The following SYN1 variants were observed in gnomAD, a reference collection of about 807,000 sequenced individuals.
SYN1 encodes the protein synapsin I.
SYN1 carries 8 observed loss-of-function variants against 44.6 expected under a neutral mutation model. That is an observed-to-expected ratio of 0.18 (90% confidence interval 0.11 to 0.32). The LOEUF (loss-of-function observed/expected upper bound fraction) is 0.32. Ranked by LOEUF, SYN1 falls within the 10% of genes least tolerant of loss-of-function variation. The pLI is 1.00. For missense variants in SYN1, 451 were observed against 639.4 expected (o/e 0.71, Z 3.18); for synonymous variants, 275 against 280.1 (o/e 0.98, Z 0.18).
At chrX:47,583,630 C>T in intron 5 of SYN1, 1 of 993,748 alleles carries the variant, frequency 1.0e-6, no homozygotes, top group South Asian at 2.7e-5. Context: ...AGAATGATTC[C>T]ACTCGCCCCT....
At chrX:47,578,990 C>T (rs149867905) in intron 5 of SYN1, among the ~76,000 whole-genome samples, 109 of 111,941 alleles carry the variant, frequency 9.7e-4, no homozygotes, top group Non-Finnish European at 1.7e-3. Flanking sequence ...GAAACGATGC[C>T]GAGGCGGATG....
At chrX:47,603,905 T>C (rs2057887249) in intron 5 of SYN1, among the ~76,000 whole-genome samples, 2 of 83,040 alleles carry the variant, frequency 2.4e-5, no homozygotes, top group South Asian at 6.0e-4. Flanking sequence ...TATATATATA[T>C]ATTTTTTTTT....
intron 5 of SYN1, among the ~76,000 whole-genome samples, chrX:47,579,583 A>C (rs2057789215): frequency 9.7e-6 from 1 of 103,428 alleles, no homozygotes; most frequent in African/African-American, 3.6e-5. Flanking sequence ...CACCCCTCCC[A>C]CTCTCCATTT....
chrX:47,574,388 T>C lies in SYN1; in HGVS notation c.1596A>G (p.Gln532=). Residue 532 remains glutamine (Q), a synonymous_variant, in exon 12 of 13, where the codon CAA becomes CAG. Coordinates refer to ENST00000295987, the MANE Select transcript of SYN1 (RefSeq NM_006950.3). ...AAPPTQGQGR[Q]SRPVAGGPGA... ...CGGGGCCTCCCGCCACTGGCCGGGA[T>C]TGGCGGCCTTGACCCTGGGTCGGCG... 1 of 1,023,789 alleles carries C rather than the reference T, an allele frequency of 9.8e-7. No individual in the cohort carries two copies. Among genetic ancestry groups the C allele is most frequent in the Non-Finnish European group, 1.2e-6 (1 of 811,274 alleles). The allele number at this position is 1,023,789 out of a possible 1,213,427, so 84.4% of individuals were successfully genotyped here. A position where few individuals can be genotyped will look rare whatever the true frequency, so the allele number is the denominator to read the frequency against.
chrX:47,585,676 C>G (rs776020775), intron 5 of SYN1: 8 of 1,206,899 alleles, frequency 6.6e-6, no homozygotes, highest in African/African-American at 1.8e-5. Context: ...CAGTGAGTGC[C>G]TGGACCCTGA....
chrX:47,582,508 G>A (rs952544098), intron 5 of SYN1: 58 of 319,987 alleles, frequency 1.8e-4, no homozygotes, highest in South Asian at 1.2e-3. Context: ...AGCAGGGACC[G>A]GAGCTGGGCT....
At chrX:47,577,707 T>C (rs1322828012) in intron 5 of SYN1, among the ~76,000 whole-genome samples, 1 of 110,860 alleles carries the variant, frequency 9.0e-6, no homozygotes, top group Non-Finnish European at 1.9e-5. Flanking sequence ...GCCCTGTCTG[T>C]CTGTCCCTCA....
rs1239891911 is a variant in SYN1 at position 47,579,918 on chromosome X, T to G, written c.775-2417A>C. On this transcript the variant is annotated intron_variant, in intron 5 of 12. Transcript: ENST00000295987. ...TCATTCTCATTCCTGGGTAGGTCAC[T>G]CAGCCCTTTTGTGTCTAAGTTTCCT... Among the ~76,000 whole-genome samples, 3 of 88,024 alleles carry G rather than the reference T, an allele frequency of 3.4e-5. No homozygotes were observed. The East Asian group carries it at 1.2e-3, about 36-fold the overall frequency. 76.4% of individuals were successfully genotyped at this position (88,024 alleles called of 115,157 possible). A position where few individuals can be genotyped will look rare whatever the true frequency, so the allele number is the denominator to read the frequency against.
At chrX:47,574,619 A>G in intron 11 of SYN1, 29 bp from the exon 12 acceptor site, 2 of 1,113,763 alleles carry the variant, frequency 1.8e-6, no homozygotes, top group Non-Finnish European at 2.4e-6. Context: ...GAAAGAGCAC[A>G]CGTGAGAGTG....
intron 5 of SYN1, among the ~76,000 whole-genome samples, chrX:47,594,848 C>T (rs910595967): frequency 4.5e-5 from 5 of 110,551 alleles, no homozygotes; most frequent in Non-Finnish European, 7.6e-5. Context: ...CTGCCTCAGC[C>T]GCTCGAGTAG....
intron 5 of SYN1, among the ~76,000 whole-genome samples, chrX:47,579,387 A>G (rs763686786): frequency 9.0e-6 from 1 of 110,717 alleles, no homozygotes; most frequent in African/African-American, 3.3e-5. Flanking sequence ...TCTTCTTCCT[A>G]AGGCCATGAA....
rs895431716 is a variant in SYN1 at position 47,574,050 on chromosome X, G to C, written c.1934C>G (p.Pro645Arg). The C allele has an allele frequency of 8.7e-7, 1 of 1,150,924 alleles. No homozygotes were observed. The highest frequency in any genetic ancestry group is 1.2e-6 in the Non-Finnish European group (1 of 869,370). 94.8% of individuals were successfully genotyped at this position (1,150,924 alleles called of 1,213,427 possible). ...QLAQKPSQDVPPPATAAAGGP... is the reference protein window; with the variant it reads ...QLAQKPSQDVRPPATAAAGGP... The stretch of plus-strand genomic sequence containing the variant: ...CCCTGCAGCGGCGGTGGCGGGTGGC[G>C]GCACGTCCTGGCTGGGTTTCTGGGC... The change falls in exon 12 of 13, where the codon CCG becomes CGG. Residue 645 changes from proline to arginine, a missense_variant. Pro to Arg is a moderately radical substitution (Grantham distance 103). This residue lies in a region of SYN1 where 127 missense variants were observed against 154.8 expected (regional missense o/e 0.82). Coordinates refer to ENST00000295987, the MANE Select transcript of SYN1 (RefSeq NM_006950.3).
At chrX:47,603,908 T>TATA (rs1569330170) in intron 5 of SYN1, among the ~76,000 whole-genome samples, 44 of 81,772 alleles carry the variant, frequency 5.4e-4, no homozygotes, top group African/African-American at 2.2e-3. Flanking sequence ...ATATATATAT[T>TATA]TTTTTTTTTT....
intron 5 of SYN1, among the ~76,000 whole-genome samples, chrX:47,591,560 C>T (rs1467031827): frequency 9.1e-6 from 1 of 109,802 alleles, no homozygotes; most frequent in African/African-American, 3.3e-5. Flanking sequence ...GTCTCTACTA[C>T]AAATGCAAAA....
In SYN1 at chrX:47,575,211, C is replaced by G; in HGVS notation, c.1222G>C (p.Glu408Gln). 8.3e-7 allele frequency: 1 copy of G among 1,204,576 alleles called. No individual in the cohort carries two copies. The highest frequency in any genetic ancestry group is 1.1e-6 in the Non-Finnish European group (1 of 891,828). The part of the protein sequence containing the change: ...HQDEDKQLIV[E>Q]LVVNKMAQAL... ...TGAGCCATCTTGTTGACCACGAGCT[C>G]TACGATGAGCTGTTTGTCTTCATCC... Residue 408 changes from glutamate to glutamine, a missense_variant, in exon 10 of 13, where the codon GAG (glutamate) becomes CAG (glutamine). Transcript: ENST00000295987.
intron 3 of SYN1, 48 bp downstream of exon 3, chrX:47,606,897 A>C: frequency 8.8e-7 from 1 of 1,135,264 alleles, no homozygotes; most frequent in Non-Finnish European, 1.2e-6. Context: ...TCTAAGGGAG[A>C]GTTCTTATGC....
At chrX:47,578,495 C>T (rs1027035048) in intron 5 of SYN1, among the ~76,000 whole-genome samples, 1 of 111,800 alleles carries the variant, frequency 8.9e-6, no homozygotes, top group African/African-American at 3.3e-5. Flanking sequence ...CACAACATGC[C>T]TTGCCACATA....
intron 9 of SYN1, 119 bp downstream of exon 9, chrX:47,576,012 G>C (rs927194679): frequency 2.4e-5 from 18 of 741,805 alleles, no homozygotes; most frequent in Non-Finnish European, 3.6e-5. Context: ...GCACCTTACA[G>C]TGTACTAAGC....
intron 5 of SYN1, among the ~76,000 whole-genome samples, chrX:47,581,777 G>A (rs747037288): frequency 2.8e-4 from 31 of 111,668 alleles, no homozygotes; most frequent in Non-Finnish European, 5.8e-4. Flanking sequence ...TATAAATGCC[G>A]GCTATTTGCC....
Sources: gnomAD v4.1 joint callset for allele counts (sites outside exome capture counted in the v4.1 genomes callset) on GRCh38, gnomAD v4.1.1 for gene constraint, gnomAD v4.1.1 regional missense constraint, MANE v1.5 for transcripts, NCBI Gene and HGNC (gene_info 2026-07-23, HGNC 2026-07-21) for gene names.